The following EPHA6 variants were observed in gnomAD, a reference collection of about 807,000 sequenced individuals.
The protein encoded by EPHA6 is ephrin type-A receptor 6.
EPHA6 carries 50 observed loss-of-function variants against 112.0 expected under a neutral mutation model. The ratio of observed to expected loss-of-function variants is 0.45; its 90% CI spans 0.36 to 0.56. EPHA6 has a LOEUF of 0.56. Among genes scored for constraint, EPHA6 ranks in the 20% least tolerant of loss-of-function variants. EPHA6 has a pLI of 0.00. For missense variants in EPHA6, 1,280 were observed against 1,417.4 expected (o/e 0.90, Z 1.56); for synonymous variants, 529 against 490.7 (o/e 1.08, Z -1.03).
chr3:97,648,389 G>A, intron 14 of EPHA6: 1 of 1,547,716 alleles, frequency 6.5e-7, no homozygotes. Context: ...CACCCAACTG[G>A]AGATAATTAT....
chr3:97,522,684 T>C (rs1466585449), intron 10 of EPHA6, among the ~76,000 whole-genome samples: 2 of 152,170 alleles, frequency 1.3e-5, no homozygotes, highest in Non-Finnish European at 2.9e-5. Flanking sequence ...GGGCTTTTCT[T>C]TGATGGGAGA....
intron 14 of EPHA6, among the ~76,000 whole-genome samples, chr3:97,640,710 G>A (rs184042311): frequency 4.7e-4 from 72 of 152,234 alleles, no homozygotes; most frequent in Non-Finnish European, 7.5e-4. Flanking sequence ...AACCCAGGAG[G>A]CGGAGGTTGC....
intron 3 of EPHA6, among the ~76,000 whole-genome samples, chr3:97,126,711 C>A (rs2048190507): frequency 9.0e-6 from 1 of 110,738 alleles, no homozygotes; most frequent in African/African-American, 4.6e-5. Flanking sequence ...AGAGCCTTCA[C>A]CTGTGTTAAA....
At chr3:97,644,128 A>G (rs1029990293) in intron 14 of EPHA6, among the ~76,000 whole-genome samples, 4 of 152,112 alleles carry the variant, frequency 2.6e-5, no homozygotes, top group Non-Finnish European at 5.9e-5. Context: ...CTCAGGATTA[A>G]GAATCTCACT....
chr3:97,303,461 G>C (rs768930359), intron 5 of EPHA6, among the ~76,000 whole-genome samples: 7 of 151,880 alleles, frequency 4.6e-5, no homozygotes, highest in Non-Finnish European at 1.0e-4. Context: ...GAGAGAGAGA[G>C]AATTTATGAA....
chr3:97,230,881 A>G (rs564875546), intron 4 of EPHA6, among the ~76,000 whole-genome samples: 1 of 152,284 alleles, frequency 6.6e-6, no homozygotes, highest in South Asian at 2.1e-4. Context: ...TTCTTCATGG[A>G]TAAGAGTTTC....
intron 5 of EPHA6, among the ~76,000 whole-genome samples, chr3:97,381,378 A>G (rs2085719427): frequency 6.6e-6 from 1 of 152,138 alleles, no homozygotes; most frequent in Non-Finnish European, 1.5e-5. Flanking sequence ...ACCCTGTGAC[A>G]TAGACACTAT....
At chr3:97,720,450 T>C (rs775900992) in intron 15 of EPHA6, 40 bp downstream of exon 15, 18 of 1,536,978 alleles carry the variant, frequency 1.2e-5, no homozygotes, top group Admixed American at 2.0e-5. Context: ...TTTGTGAATG[T>C]AAACACATTA....
intron 3 of EPHA6, among the ~76,000 whole-genome samples, chr3:97,112,961 G>A (rs1425740013): frequency 6.6e-6 from 1 of 152,042 alleles, no homozygotes; most frequent in Non-Finnish European, 1.5e-5. Flanking sequence ...GAACCTAAGA[G>A]TTCAACACTC....
At chr3:96,993,324 GTC>G (rs1559652422) in intron 3 of EPHA6, among the ~76,000 whole-genome samples, 1 of 149,322 alleles carries the variant, frequency 6.7e-6, no homozygotes, top group Non-Finnish European at 1.5e-5. Flanking sequence ...ATGAGACAGA[GTC>G]TCTCTCTGTC....
At chr3:96,837,229 C>G (rs1015687558) in intron 1 of EPHA6, among the ~76,000 whole-genome samples, 1 of 152,098 alleles carries the variant, frequency 6.6e-6, no homozygotes, top group African/African-American at 2.4e-5. Context: ...GTCACGAGCA[C>G]AGAGTACAGA....
chr3:97,504,951 A>T (rs2092209473), intron 10 of EPHA6, among the ~76,000 whole-genome samples: 1 of 152,114 alleles, frequency 6.6e-6, no homozygotes, highest in African/African-American at 2.4e-5. Flanking sequence ...TTTATTATTT[A>T]TAAACCTGCT....
intron 3 of EPHA6, among the ~76,000 whole-genome samples, chr3:97,074,884 C>T (rs2046467556): frequency 6.6e-6 from 1 of 152,052 alleles, no homozygotes; most frequent in African/African-American, 2.4e-5. Context: ...TAAATGGAAA[C>T]AGAACAGAGT....
At chr3:97,309,778 C>T (rs2081471099) in intron 5 of EPHA6, among the ~76,000 whole-genome samples, 1 of 151,168 alleles carries the variant, frequency 6.6e-6, no homozygotes, top group South Asian at 2.1e-4. Flanking sequence ...AGAATGAGAC[C>T]CTGGGGAAAA....
At chr3:97,429,094 T>G (rs1426027954) in intron 6 of EPHA6, among the ~76,000 whole-genome samples, 1 of 152,128 alleles carries the variant, frequency 6.6e-6, no homozygotes, top group African/African-American at 2.4e-5. Flanking sequence ...ACACAAGCCA[T>G]GATTTTTTTT....
intron 3 of EPHA6, among the ~76,000 whole-genome samples, chr3:97,049,101 G>T (rs1364388672): frequency 6.6e-6 from 1 of 152,202 alleles, no homozygotes; most frequent in East Asian, 1.9e-4. Context: ...TTGGGGGATT[G>T]AGTGAGTGGG....
chr3:97,101,647 G>A (rs2047407329), intron 3 of EPHA6, among the ~76,000 whole-genome samples: 1 of 152,024 alleles, frequency 6.6e-6, no homozygotes, highest in Admixed American at 6.6e-5. Flanking sequence ...CTTCTTGAAG[G>A]TGTAACTTTA....
intron 16 of EPHA6, among the ~76,000 whole-genome samples, chr3:97,743,859 C>A (rs916270142): frequency 8.6e-5 from 13 of 151,792 alleles, no homozygotes; most frequent in African/African-American, 2.9e-4. Flanking sequence ...GAATATAAAA[C>A]ATGGAAAACT....
At chr3:97,534,891 C>T (rs575393317) in intron 11 of EPHA6, among the ~76,000 whole-genome samples, 1 of 152,082 alleles carries the variant, frequency 6.6e-6, no homozygotes, top group South Asian at 2.1e-4. Flanking sequence ...TGTTGAAGTC[C>T]TCTGATGTGT....
Sources: allele counts gnomAD v4.1 joint callset (sites outside exome capture counted in the v4.1 genomes callset), GRCh38; gene constraint gnomAD v4.1.1; transcripts MANE v1.5; gene names NCBI Gene and HGNC (gene_info 2026-07-23, HGNC 2026-07-21).